ZFHX3: variants seen among roughly 807,000 people sequenced by gnomAD.
ZFHX3 encodes zinc finger homeobox 3.
In ZFHX3, 42 loss-of-function variants were observed where a neutral mutation model predicts 279.1. That is an observed-to-expected ratio of 0.15 (90% CI 0.12 to 0.19). ZFHX3 has a LOEUF of 0.19. Among genes scored for constraint, ZFHX3 ranks in the 10% least tolerant of loss-of-function variants. The probability of loss-of-function intolerance (pLI) is 1.00; values close to 1 mark genes in which losing one functional copy is unlikely to be tolerated. For synonymous variants in ZFHX3, 2,293 were observed against 1,957.8 expected, an observed-to-expected ratio of 1.17 and a Z score of -4.52; for missense variants, 4,981 against 4,754.0, an observed-to-expected ratio of 1.05 and a Z score of -1.40.
intron 3 of ZFHX3, among the ~76,000 whole-genome samples, chr16:73,438,195 A>G (rs1378216488): frequency 6.6e-6 from 1 of 152,206 alleles, no homozygotes; most frequent in Non-Finnish European, 1.5e-5. Flanking sequence ...CCCTGCCTGC[A>G]ACTCGTAGCT....
At chr16:73,584,239 G>T (rs554934601) in intron 2 of ZFHX3, among the ~76,000 whole-genome samples, 1 of 152,042 alleles carries the variant, frequency 6.6e-6, no homozygotes, top group African/African-American at 2.4e-5. Context: ...TGAGGCAGAG[G>T]ATATGTTTAA....
At chr16:73,521,871 A>G (rs2019613485) in intron 2 of ZFHX3, among the ~76,000 whole-genome samples, 2 of 152,070 alleles carry the variant, frequency 1.3e-5, no homozygotes, top group African/African-American at 4.8e-5. Flanking sequence ...GAAAGTAGCA[A>G]TTTCCAGCCC....
At chr16:73,595,689 C>A (rs74030127) in intron 2 of ZFHX3, among the ~76,000 whole-genome samples, 1 of 152,170 alleles carries the variant, frequency 6.6e-6, no homozygotes, top group African/African-American at 2.4e-5. Flanking sequence ...TGTCACTTTA[C>A]GGGTATCTCT....
At chr16:73,796,154 CTTT>C (rs1157610195) in intron 1 of ZFHX3, among the ~76,000 whole-genome samples, 1 of 152,118 alleles carries the variant, frequency 6.6e-6, no homozygotes, top group African/African-American at 2.4e-5. Context: ...CAAAGCATAA[CTTT>C]TTTATTATTC....
At chr16:73,005,789 C>CA (rs61519203) in intron 1 of ZFHX3, 2,754 of 137,976 alleles carry the variant, frequency 0.02, 80 homozygotes, top group African/African-American at 0.067. Flanking sequence ...GACTCCGTCT[C>CA]AAAAAAAAAA....
At chr16:73,352,288 T>C (rs1362478242) in intron 3 of ZFHX3, among the ~76,000 whole-genome samples, 8 of 152,108 alleles carry the variant, frequency 5.3e-5, no homozygotes, top group Admixed American at 5.2e-4. Context: ...TGAATTAAAG[T>C]GATTTTTAAT....
chr16:73,498,365 T>G (rs2019177334), intron 2 of ZFHX3, among the ~76,000 whole-genome samples: 1 of 152,244 alleles, frequency 6.6e-6, no homozygotes, highest in African/African-American at 2.4e-5. Flanking sequence ...TGATGTCAGT[T>G]GGTTCCGTGA....
chr16:73,403,939 T>A (rs1391862139), intron 3 of ZFHX3, among the ~76,000 whole-genome samples: 1 of 151,820 alleles, frequency 6.6e-6, no homozygotes, highest in African/African-American at 2.4e-5. Flanking sequence ...CTTTGGATCT[T>A]GGGATTTTTT....
intron 1 of ZFHX3, among the ~76,000 whole-genome samples, chr16:73,798,750 G>C (rs1960067460): frequency 6.6e-6 from 1 of 152,200 alleles, no homozygotes; most frequent in African/African-American, 2.4e-5. Context: ...TGTGGGGCCA[G>C]GGGTAACCAC....
intron 3 of ZFHX3, among the ~76,000 whole-genome samples, chr16:73,329,850 C>T (rs565623597): frequency 2.6e-5 from 4 of 152,278 alleles, no homozygotes; most frequent in South Asian, 2.1e-4. Flanking sequence ...TGTGAATTTT[C>T]GGCACGAGTG....
chr16:73,674,563 G>T (rs1362279187), intron 2 of ZFHX3, among the ~76,000 whole-genome samples: 1 of 152,194 alleles, frequency 6.6e-6, no homozygotes, highest in African/African-American at 2.4e-5. Context: ...TTGTAAAGAT[G>T]GCCTCACATT....
intron 5 of ZFHX3, among the ~76,000 whole-genome samples, chr16:72,813,345 C>T (rs2036516814): frequency 6.6e-6 from 1 of 152,112 alleles, no homozygotes; most frequent in Non-Finnish European, 1.5e-5. Context: ...CATATATTTC[C>T]ATTTATGCTT....
intron 3 of ZFHX3, among the ~76,000 whole-genome samples, chr16:73,374,571 G>A (rs993652117): frequency 2.0e-5 from 3 of 152,090 alleles, no homozygotes; most frequent in Admixed American, 1.3e-4. Flanking sequence ...TAATGTCATC[G>A]AACATCCAGG....
At chr16:73,308,441 C>T (rs549365496) in intron 4 of ZFHX3, among the ~76,000 whole-genome samples, 46 of 151,850 alleles carry the variant, frequency 3.0e-4, no homozygotes, top group African/African-American at 9.9e-4. Context: ...CAGGCACTCA[C>T]CACCATGCCT....
Position 73,506,080 on chromosome 16 carries a change from C to T in ZFHX3, c.-1546-49822G>A, listed in dbSNP as rs74815692. On this transcript the variant is annotated intron_variant, in intron 2 of 17. Transcript: ENST00000641206. ...GAAATTCACTTCGCTCAAACTTCAC[C>T]GTTTTGCAGACAAAGATAATAGAAA... Among the ~76,000 whole-genome samples, 496 of 152,242 alleles carry T rather than the reference C, an allele frequency of 3.3e-3. 2 individuals are homozygous for T. Among genetic ancestry groups the T allele is most frequent in the South Asian group, 8.1e-3 (39 of 4,822 alleles).
At chr16:72,942,033 T>C (rs724185) in intron 3 of ZFHX3, among the ~76,000 whole-genome samples, 22,977 of 152,200 alleles carry the variant, frequency 0.15, 2,271 homozygotes, top group Non-Finnish European at 0.22. Flanking sequence ...GTGGATCATA[T>C]AATTATTTAA....
chr16:73,168,780 G>GGTTT (rs1567408378), intron 5 of ZFHX3, among the ~76,000 whole-genome samples: 1 of 152,146 alleles, frequency 6.6e-6, no homozygotes, highest in African/African-American at 2.4e-5. Context: ...TCTCCAGCTA[G>GGTTT]CTGCCCTCTG....
In ZFHX3 at chr16:73,008,436, A is replaced by G. The variant is rs1455339941; in HGVS notation, c.-50+39316T>C. 2.6e-5 allele frequency among the ~76,000 whole-genome samples: 4 copies of G among 151,670 alleles called. No homozygotes were observed. The South Asian group carries it at 8.3e-4, about 32-fold the overall frequency. The stretch of plus-strand genomic sequence containing the variant: ...GAAAGGAGATGAAACTCTGGCAAAT[A>G]AAAAAAAACCTTTTAAATAGAAAAC... On this transcript the variant is annotated intron_variant, in intron 1 of 9. Coordinates refer to ENST00000268489, the MANE Select transcript of ZFHX3 (RefSeq NM_006885.4).
At chr16:73,775,007 A>C (rs2054060802) in intron 1 of ZFHX3, among the ~76,000 whole-genome samples, 2 of 152,086 alleles carry the variant, frequency 1.3e-5, no homozygotes, top group South Asian at 4.2e-4. Flanking sequence ...GGACTCTGCT[A>C]GCAGCCATGG....
Sources: gnomAD v4.1 joint callset for allele counts (sites outside exome capture counted in the v4.1 genomes callset) on GRCh38, gnomAD v4.1.1 for gene constraint, MANE v1.5 for transcripts, NCBI Gene and HGNC (gene_info 2026-07-23, HGNC 2026-07-21) for gene names.